APBA2: variants seen among roughly 807,000 people sequenced by gnomAD.
APBA2 encodes the protein amyloid beta precursor protein binding family A member 2, also known as amyloid-beta A4 precursor protein-binding family A member 2.
In APBA2, 30 loss-of-function variants were observed where a neutral mutation model predicts 75.0. The ratio of observed to expected loss-of-function variants is 0.40; its 90% CI spans 0.30 to 0.54. The LOEUF is 0.54. Among genes scored for constraint, APBA2 ranks in the 20% least tolerant of loss-of-function variants. The probability of loss-of-function intolerance (pLI) is 0.49; values close to 1 mark genes in which losing one functional copy is unlikely to be tolerated. For missense variants in APBA2, 801 were observed against 1,016.1 expected (o/e 0.79, Z 2.88); for synonymous variants, 444 against 409.6 (o/e 1.08, Z -1.01).
At chr15:28,915,036 A>C (rs2033602940) in intron 1 of APBA2, among the ~76,000 whole-genome samples, 1 of 121,386 alleles carries the variant, frequency 8.2e-6, no homozygotes, top group African/African-American at 3.2e-5. Flanking sequence ...CCACACACAT[A>C]CCATGCCTAC....
intron 2 of APBA2, among the ~76,000 whole-genome samples, chr15:28,931,153 C>G (rs541696366): frequency 6.6e-6 from 1 of 152,344 alleles, no homozygotes; most frequent in East Asian, 1.9e-4. Flanking sequence ...CTTCTGGTAC[C>G]CCGTAGGCCA....
At chr15:28,912,047 G>A (rs2033454306) in intron 1 of APBA2, among the ~76,000 whole-genome samples, 2 of 152,178 alleles carry the variant, frequency 1.3e-5, no homozygotes, top group Non-Finnish European at 2.9e-5. Context: ...TTATGTTGCT[G>A]TATCTGTTTG....
At chr15:29,102,137 G>T (rs1004347121) in intron 10 of APBA2, 10 of 407,998 alleles carry the variant, frequency 2.5e-5, no homozygotes, top group African/African-American at 1.6e-4. Flanking sequence ...CATGGCCCTG[G>T]CATGCTGTAT....
chr15:29,067,561 C>A (rs950168369), intron 4 of APBA2, among the ~76,000 whole-genome samples: 2 of 152,164 alleles, frequency 1.3e-5, no homozygotes, highest in African/African-American at 4.8e-5. Flanking sequence ...GTGGAAGGAA[C>A]AGATCCCACA....
chr15:29,021,811 C>A (rs545364942), intron 3 of APBA2, among the ~76,000 whole-genome samples: 2 of 152,026 alleles, frequency 1.3e-5, no homozygotes, highest in Non-Finnish European at 1.5e-5. Flanking sequence ...CTTCCCCTAC[C>A]CCCAGCTCCT....
At chr15:29,037,390 C>A (rs965777504) in intron 3 of APBA2, among the ~76,000 whole-genome samples, 1 of 152,102 alleles carries the variant, frequency 6.6e-6, no homozygotes, top group African/African-American at 2.4e-5. Flanking sequence ...AGGGACCAGG[C>A]AAACAGCCTG....
intron 1 of APBA2, among the ~76,000 whole-genome samples, chr15:28,902,784 G>C (rs1002741611): frequency 6.6e-6 from 1 of 152,122 alleles, no homozygotes; most frequent in African/African-American, 2.4e-5. Flanking sequence ...CCATGTCCCT[G>C]GTGGTGGGAC....
intron 4 of APBA2, among the ~76,000 whole-genome samples, chr15:29,058,491 A>G (rs1040802258): frequency 2.6e-5 from 4 of 152,156 alleles, no homozygotes; most frequent in African/African-American, 7.2e-5. Context: ...AACGTTGGCA[A>G]CAAAGTGAGA....
At chr15:29,034,315 G>A (rs1190963295) in intron 3 of APBA2, among the ~76,000 whole-genome samples, 4 of 152,118 alleles carry the variant, frequency 2.6e-5, no homozygotes, top group Non-Finnish European at 5.9e-5. Flanking sequence ...TGGCCTCTCT[G>A]GCATCACCAA....
rs2038220011 is a variant in APBA2 at position 28,991,372 on chromosome 15, G to A, written c.-94-4381G>A. ...CTCACTGCATCCCTCTTGCTCTTGC[G>A]GCAGCTTGGCTGAGCTACAGGGCCG... is the stretch of plus-strand genomic sequence containing the variant. On this transcript the variant is annotated intron_variant, in intron 2 of 14. Coordinates refer to ENST00000683413, the MANE Select transcript of APBA2 (RefSeq NM_001353788.2). This position sits in a 1 kb window ranked among gnomAD's most constrained non-coding sequence, Gnocchi z 4.7. Among the ~76,000 whole-genome samples, 1 of 152,196 alleles carries A rather than the reference G, an allele frequency of 6.6e-6. No individual in the cohort carries two copies. The highest frequency in any genetic ancestry group is 1.5e-5 in the Non-Finnish European group (1 of 68,046).
At chr15:28,886,969 C>G (rs182917879) in intron 1 of APBA2, among the ~76,000 whole-genome samples, 293 of 152,334 alleles carry the variant, frequency 1.9e-3, no homozygotes, top group Non-Finnish European at 2.7e-3. Context: ...CCCCGGTCCC[C>G]AAGCAGGGCG....
intron 2 of APBA2, among the ~76,000 whole-genome samples, chr15:28,983,244 G>A (rs1175961902): frequency 1.3e-5 from 2 of 152,202 alleles, no homozygotes; most frequent in Non-Finnish European, 1.5e-5. Flanking sequence ...CAGCCGTCAC[G>A]TTGGGGAGGC....
At chr15:29,080,669 G>T (rs750801312) in intron 6 of APBA2, among the ~76,000 whole-genome samples, 1 of 152,196 alleles carries the variant, frequency 6.6e-6, no homozygotes, top group African/African-American at 2.4e-5. Flanking sequence ...CCTACAGGAC[G>T]TGGTGTCTGG....
intron 1 of APBA2, among the ~76,000 whole-genome samples, chr15:28,910,826 G>A (rs962723444): frequency 2.0e-5 from 3 of 152,078 alleles, no homozygotes; most frequent in African/African-American, 7.2e-5. Context: ...TTCTAATAGT[G>A]TGTCTGCTTG....
chr15:29,112,649 A>T (rs2044799680), intron 13 of APBA2, among the ~76,000 whole-genome samples: 1 of 152,112 alleles, frequency 6.6e-6, no homozygotes, highest in South Asian at 2.1e-4. Flanking sequence ...TTCTCCTTGG[A>T]CATCCATTTT....
At chr15:28,952,578 T>C (rs780250148) in intron 2 of APBA2, among the ~76,000 whole-genome samples, 9 of 152,278 alleles carry the variant, frequency 5.9e-5, no homozygotes, top group Non-Finnish European at 1.3e-4. Flanking sequence ...TTAAGACATG[T>C]ACAAATATGA....
intron 6 of APBA2, among the ~76,000 whole-genome samples, chr15:29,088,103 C>T (rs2043375816): frequency 6.6e-6 from 1 of 152,308 alleles, no homozygotes; most frequent in South Asian, 2.1e-4. Flanking sequence ...TGAAACAGCT[C>T]TTTGAGGTCA....
intron 1 of APBA2, among the ~76,000 whole-genome samples, chr15:28,915,290 T>TGTATACCACACACCACACACAC: frequency 1.6e-5 from 1 of 62,184 alleles, no homozygotes; most frequent in African/African-American, 7.1e-5. Context: ...ACCACACACA[T>TGTATACCACACACCACACACAC]ACCCCATATA....
At chr15:29,108,150 G>A in intron 12 of APBA2, 120 bp from the exon 13 acceptor site, 2 of 1,439,046 alleles carry the variant, frequency 1.4e-6, no homozygotes, top group South Asian at 1.1e-5. Context: ...GGGACTGCCT[G>A]CCTCTCCCAT....
Sources: gnomAD v4.1 joint callset for allele counts (sites outside exome capture counted in the v4.1 genomes callset) on GRCh38, gnomAD v4.1.1 for gene constraint, Gnocchi (gnomAD v3.1) non-coding constraint, MANE v1.5 for transcripts, NCBI Gene and HGNC (gene_info 2026-07-23, HGNC 2026-07-21) for gene names.